AFAP1: variants seen among roughly 807,000 people sequenced by gnomAD.
AFAP1 encodes actin filament-associated protein 1.
Under a neutral mutation model 93.9 loss-of-function variants are expected in AFAP1, and 75 were observed. The observed-to-expected ratio is 0.80, with a 90% CI of 0.66 to 0.97. The LOEUF is 0.97. Among genes scored for constraint, AFAP1 ranks in the 50% least tolerant of loss-of-function variants. The pLI, the probability that AFAP1 is intolerant of heterozygous loss-of-function variation, is 0.00. For missense variants in AFAP1, 1,201 were observed against 1,050.8 expected (o/e 1.14, Z -1.98); for synonymous variants, 517 against 430.7 (o/e 1.20, Z -2.48).
chr4:7,828,390 C>G (rs948556365), intron 6 of AFAP1, among the ~76,000 whole-genome samples: 1 of 152,160 alleles, frequency 6.6e-6, no homozygotes, highest in Non-Finnish European at 1.5e-5. Flanking sequence ...TTTTGAAATT[C>G]GAGACAGCAG....
chr4:7,851,505 T>C (rs1389088779), intron 4 of AFAP1, among the ~76,000 whole-genome samples: 1 of 152,152 alleles, frequency 6.6e-6, no homozygotes, highest in Non-Finnish European at 1.5e-5. Flanking sequence ...TCAACAGACC[T>C]TCACAAATGG....
At chr4:7,865,219 T>C (rs1189180475) in intron 3 of AFAP1, among the ~76,000 whole-genome samples, 1 of 152,154 alleles carries the variant, frequency 6.6e-6, no homozygotes, top group Non-Finnish European at 1.5e-5. Context: ...CACAGTGATT[T>C]TTATAGCAAT....
chr4:7,929,778 G>A (rs1034174902), intron 1 of AFAP1, among the ~76,000 whole-genome samples: 2 of 152,212 alleles, frequency 1.3e-5, no homozygotes, highest in African/African-American at 4.8e-5. Flanking sequence ...GGAGGGAGTG[G>A]ATGAGGAAGA....
intron 6 of AFAP1, among the ~76,000 whole-genome samples, chr4:7,820,964 C>G (rs1720923389): frequency 6.6e-6 from 1 of 152,106 alleles, no homozygotes; most frequent in South Asian, 2.1e-4. Flanking sequence ...ACTAAAAATA[C>G]AAAATTAGCC....
chr4:7,917,669 A>G (rs1280633238), intron 1 of AFAP1, among the ~76,000 whole-genome samples: 1 of 152,108 alleles, frequency 6.6e-6, no homozygotes, highest in East Asian at 1.9e-4. Flanking sequence ...ACAACTCAAC[A>G]CCAGCTCTCT....
Position 7,926,605 on chromosome 4 carries a change from T to G in AFAP1, c.-3+13051A>C, listed in dbSNP as rs923053063. On this transcript the variant is annotated intron_variant, in intron 1 of 17. Transcript: ENST00000420658. Reference sequence around the variant, plus strand: ...GTTCCAGGACGTGGACTATTTAGAGTGTAGTTTCTGCAGTCCAGGACACTG... The same window carrying G: ...GTTCCAGGACGTGGACTATTTAGAGGGTAGTTTCTGCAGTCCAGGACACTG... Among the ~76,000 whole-genome samples, 4 of 151,732 alleles carry G rather than the reference T, an allele frequency of 2.6e-5. No individual in the cohort carries two copies. The South Asian group carries it at 8.3e-4, about 32-fold the overall frequency.
chr4:7,928,826 G>A (rs17177064), intron 1 of AFAP1, among the ~76,000 whole-genome samples: 41,161 of 152,166 alleles, frequency 0.27, 6,642 homozygotes, highest in Non-Finnish European at 0.38. Context: ...CAATGGCCGC[G>A]GTGTTCCCCA....
chr4:7,924,092 T>C (rs1193902296), intron 1 of AFAP1, among the ~76,000 whole-genome samples: 1 of 152,222 alleles, frequency 6.6e-6, no homozygotes, highest in Admixed American at 6.5e-5. Flanking sequence ...TGAAAGTTAG[T>C]GATGCTGCAT....
At chr4:7,863,429 G>A (rs572461085) in intron 3 of AFAP1, among the ~76,000 whole-genome samples, 23 of 152,066 alleles carry the variant, frequency 1.5e-4, no homozygotes, top group African/African-American at 5.1e-4. Context: ...AAGAACGAAA[G>A]AACGAAAGAA....
intron 8 of AFAP1, 76 bp from the exon 9 acceptor site, chr4:7,809,839 C>G: frequency 6.6e-7 from 1 of 1,513,230 alleles, no homozygotes; most frequent in South Asian, 1.3e-5. Context: ...TACATCAAAA[C>G]CCATTTCTTC....
Position 7,781,520 on chromosome 4 carries a change from A to T in AFAP1, c.1638T>A (p.Phe546Leu). 2 of 1,552,256 alleles carry T rather than the reference A, an allele frequency of 1.3e-6. No individual in the cohort carries two copies. Among genetic ancestry groups the T allele is most frequent in the Non-Finnish European group, 1.7e-6 (2 of 1,147,116 alleles). Residue 546 changes from phenylalanine (F) to leucine (L), a missense_variant, in exon 13 of 18, where the codon TTT becomes TTA. Physicochemically the swap from Phe to Leu is conservative, Grantham distance 22. Transcript: ENST00000420658. Reference protein sequence around the residue: ...LYDNLPPPHIFARYSPADRKA... With the variant: ...LYDNLPPPHILARYSPADRKA... ...TTCTGTCAGCAGGAGAGTAGCGGGC[A>T]AAGATGTGCGGAGGCGGCAAGTTAT...
intron 17 of AFAP1, among the ~76,000 whole-genome samples, chr4:7,765,081 T>G (rs1296784581): frequency 6.6e-6 from 1 of 151,872 alleles, no homozygotes; most frequent in African/African-American, 2.4e-5. Context: ...TCGAGCGTGG[T>G]CAACAGAGCA....
intron 1 of AFAP1, among the ~76,000 whole-genome samples, chr4:7,879,108 C>A (rs968427568): frequency 6.6e-6 from 1 of 152,180 alleles, no homozygotes; most frequent in Admixed American, 6.5e-5. Flanking sequence ...CCAACTTCCT[C>A]AATGTACTGA....
intron 1 of AFAP1, among the ~76,000 whole-genome samples, chr4:7,893,754 T>C (rs1384374308): frequency 6.6e-6 from 1 of 152,074 alleles, no homozygotes; most frequent in Non-Finnish European, 1.5e-5. Context: ...ACGGGCCTGA[T>C]ATCTGCATTC....
At position 7,760,798 on chromosome 4, in the gene AFAP1, AG is replaced by A. The variant is rs1002797023; in HGVS notation, c.*2966del. 2.0e-5 allele frequency: 3 copies of A among 152,316 alleles called. No individual in the cohort carries two copies. The highest frequency in any genetic ancestry group is 7.2e-5 in the African/African-American group (3 of 41,484). 9.4% of individuals were successfully genotyped at this position (152,316 alleles called of 1,614,324 possible). A position where few individuals can be genotyped will look rare whatever the true frequency, so the allele number is the denominator to read the frequency against. ...GAATGGAAGGAGCCCTGAGCCCCGC[AG>A]GGGTCGGCCCCCTCACCTGACCTGT... On this transcript the variant is annotated 3_prime_UTR_variant, in exon 18 of 18. Transcript: ENST00000420658.
At chr4:7,796,583 A>G (rs1453502123) in intron 10 of AFAP1, among the ~76,000 whole-genome samples, 1 of 151,122 alleles carries the variant, frequency 6.6e-6, no homozygotes, top group Non-Finnish European at 1.5e-5. Context: ...CCCTGTCTCT[A>G]CTAAAAAATA....
intron 12 of AFAP1, among the ~76,000 whole-genome samples, chr4:7,784,900 A>G (rs558119888): frequency 1.3e-5 from 2 of 152,316 alleles, no homozygotes; most frequent in South Asian, 4.1e-4. Flanking sequence ...ATTCATCAGG[A>G]TATCGGGGAA....
At chr4:7,825,678 T>C (rs1211170647) in intron 6 of AFAP1, among the ~76,000 whole-genome samples, 2 of 152,078 alleles carry the variant, frequency 1.3e-5, no homozygotes, top group African/African-American at 2.4e-5. Context: ...CTTCAGGAAG[T>C]TGCGATAATT....
intron 17 of AFAP1, among the ~76,000 whole-genome samples, chr4:7,768,149 C>T (rs539671886): frequency 6.6e-6 from 1 of 152,262 alleles, no homozygotes; most frequent in Non-Finnish European, 1.5e-5. Context: ...TGTTCCAGCC[C>T]CTCGGGGCGG....
Sources: allele counts gnomAD v4.1 joint callset (sites outside exome capture counted in the v4.1 genomes callset), GRCh38; gene constraint gnomAD v4.1.1; transcripts MANE v1.5; gene names NCBI Gene and HGNC (gene_info 2026-07-23, HGNC 2026-07-21).